ANTXR1: variants seen among roughly 807,000 people sequenced by gnomAD.
ANTXR1 encodes the protein ANTXR cell adhesion molecule 1, also known as anthrax toxin receptor 1.
A neutral mutation model predicts 78.1 loss-of-function variants in ANTXR1; 19 were observed. The observed-to-expected ratio is 0.24, with a 90% CI of 0.17 to 0.36. ANTXR1 has a LOEUF of 0.36. Ranked by LOEUF, ANTXR1 falls within the 10% of genes least tolerant of loss-of-function variation. The pLI is 1.00. For missense variants in ANTXR1, 518 were observed against 718.6 expected, an observed-to-expected ratio of 0.72 and a Z score of 3.19; for synonymous variants, 273 against 260.5, an observed-to-expected ratio of 1.05 and a Z score of -0.46.
intron 1 of ANTXR1, among the ~76,000 whole-genome samples, chr2:69,025,968 A>G (rs1671331146): frequency 6.6e-6 from 1 of 152,242 alleles, no homozygotes; most frequent in Non-Finnish European, 1.5e-5. Context: ...CAACTTGCAC[A>G]CTTTGTTCCA....
chr2:69,105,624 T>G (rs1395867563), intron 10 of ANTXR1, among the ~76,000 whole-genome samples: 3 of 152,216 alleles, frequency 2.0e-5, no homozygotes, highest in East Asian at 1.9e-4. Context: ...TAGTTTCTAC[T>G]GATTCCTCCC....
intron 17 of ANTXR1, among the ~76,000 whole-genome samples, chr2:69,193,912 G>A (rs1453617554): frequency 2.0e-5 from 3 of 152,324 alleles, no homozygotes; most frequent in African/African-American, 7.2e-5. Flanking sequence ...GTGGGGCCCA[G>A]CTAGCCCAGG....
chr2:69,054,186 G>A (rs1368691101), intron 3 of ANTXR1, among the ~76,000 whole-genome samples: 2 of 151,924 alleles, frequency 1.3e-5, no homozygotes, highest in East Asian at 1.9e-4. Flanking sequence ...GGGGATTATC[G>A]AGGTGGAGAA....
intron 17 of ANTXR1, among the ~76,000 whole-genome samples, chr2:69,234,152 T>C (rs999183538): frequency 2.0e-5 from 3 of 152,188 alleles, no homozygotes; most frequent in Non-Finnish European, 4.4e-5. Context: ...ATAATAAAGA[T>C]AGACTTATAA....
In ANTXR1 at chr2:69,181,794, T is replaced by A; in HGVS notation, c.1098T>A (p.Asp366Glu). ...PPPAEESEEEDDDGLPKKKWP... is the reference protein window; with the variant it reads ...PPPAEESEEEEDDGLPKKKWP... ...CCACAATTTCTCTGCAGGAAGAAGA[T>A]GATGATGGTCTGCCTAAGAAAAAGT... is the stretch of plus-strand genomic sequence containing the variant. Residue 366 changes from aspartate to glutamate, a missense_variant, in exon 15 of 18, where the codon GAT becomes GAA. Physicochemically the swap from Asp to Glu is conservative, Grantham distance 45. Around this residue, in one of 5 missense-constraint regions of ANTXR1, gnomAD observed 264 missense variants for 391.8 expected, o/e 0.67. Transcript: ENST00000303714. 1 of 1,614,080 alleles carries A rather than the reference T, an allele frequency of 6.2e-7. No homozygotes were observed. Among genetic ancestry groups the A allele is most frequent in the Non-Finnish European group, 8.5e-7 (1 of 1,179,966 alleles).
At chr2:69,230,332 A>G (rs565606593) in intron 17 of ANTXR1, among the ~76,000 whole-genome samples, 5 of 151,918 alleles carry the variant, frequency 3.3e-5, no homozygotes, top group Admixed American at 6.6e-5. Context: ...TTTAGCTACA[A>G]TGGTTTATCG....
intron 17 of ANTXR1, among the ~76,000 whole-genome samples, chr2:69,242,011 T>C (rs1045285294): frequency 3.3e-5 from 5 of 152,072 alleles, no homozygotes; most frequent in Non-Finnish European, 5.9e-5. Context: ...GGCTGCTCGA[T>C]GAGAGCTCTG....
chr2:69,193,887 A>G (rs745951956), intron 17 of ANTXR1, among the ~76,000 whole-genome samples: 4 of 152,174 alleles, frequency 2.6e-5, no homozygotes, highest in Non-Finnish European at 4.4e-5. Context: ...AACACCTACC[A>G]TCTTCCCAGC....
chr2:69,235,272 C>T (rs1675727912), intron 17 of ANTXR1, among the ~76,000 whole-genome samples: 1 of 152,100 alleles, frequency 6.6e-6, no homozygotes, highest in African/African-American at 2.4e-5. Context: ...ATCTGCCCAT[C>T]TTGGCCTCCC....
chr2:69,239,873 A>G (rs1399754656), intron 17 of ANTXR1, among the ~76,000 whole-genome samples: 4 of 152,370 alleles, frequency 2.6e-5, no homozygotes, highest in Non-Finnish European at 4.4e-5. Flanking sequence ...CCATTTCATC[A>G]TAACCATTTC....
chr2:69,185,797 A>G (rs1674403216), intron 16 of ANTXR1, among the ~76,000 whole-genome samples: 1 of 152,192 alleles, frequency 6.6e-6, no homozygotes, highest in Non-Finnish European at 1.5e-5. Flanking sequence ...TGAGTGTCTT[A>G]GGAGTCAACT....
At chr2:69,172,895 T>C (rs890751967) in intron 14 of ANTXR1, among the ~76,000 whole-genome samples, 3 of 152,184 alleles carry the variant, frequency 2.0e-5, no homozygotes, top group African/African-American at 7.2e-5. Flanking sequence ...GGGTTAAGAA[T>C]CTTCTCAAGT....
chr2:69,185,768 T>C (rs1054288204), intron 16 of ANTXR1, among the ~76,000 whole-genome samples: 7 of 152,148 alleles, frequency 4.6e-5, no homozygotes, highest in South Asian at 2.1e-4. Context: ...GCTGAATTAA[T>C]GTTAAGTGGT....
In ANTXR1 at chr2:69,236,424, C is replaced by G. The variant is rs145742736; in HGVS notation, c.1435-8801C>G. The stretch of plus-strand genomic sequence containing the variant: ...ATCTCACAAATAATAAGACAGTGAA[C>G]AGGGAAACAATAATACAATTCCTTC... On this transcript the variant is annotated intron_variant, in intron 17 of 17. Coordinates refer to ENST00000303714, the MANE Select transcript of ANTXR1 (RefSeq NM_032208.3). 2.4e-3 allele frequency among the ~76,000 whole-genome samples: 367 copies of G among 152,136 alleles called. 1 individual carries two copies. The highest frequency in any genetic ancestry group is 0.017 in the Middle Eastern group (5 of 292).
intron 12 of ANTXR1, among the ~76,000 whole-genome samples, chr2:69,151,194 T>C (rs1006271570): frequency 7.0e-6 from 1 of 142,766 alleles, no homozygotes. Flanking sequence ...TTCTTTTTTT[T>C]TTTTTTTTTT....
At chr2:69,230,297 T>C (rs1193122271) in intron 17 of ANTXR1, among the ~76,000 whole-genome samples, 4 of 152,012 alleles carry the variant, frequency 2.6e-5, no homozygotes, top group Non-Finnish European at 5.9e-5. Context: ...TATTTCCTTA[T>C]GTCATCTAGT....
At chr2:69,190,929 T>C (rs1414569198) in intron 16 of ANTXR1, among the ~76,000 whole-genome samples, 3 of 152,212 alleles carry the variant, frequency 2.0e-5, no homozygotes, top group African/African-American at 4.8e-5. Flanking sequence ...AGTTGGGTGA[T>C]TAGCACACAC....
At chr2:69,207,799 G>C (rs1674944717) in intron 17 of ANTXR1, among the ~76,000 whole-genome samples, 1 of 152,256 alleles carries the variant, frequency 6.6e-6, no homozygotes. Context: ...CATCCAAGAA[G>C]AATAAAGATA....
intron 11 of ANTXR1, 96 bp downstream of exon 11, chr2:69,123,182 C>G: frequency 7.7e-7 from 1 of 1,298,712 alleles, no homozygotes; most frequent in Non-Finnish European, 1.1e-6. Flanking sequence ...GAAAGTGGAG[C>G]CTTTCTCTAG....
Sources: gnomAD v4.1 joint callset for allele counts (sites outside exome capture counted in the v4.1 genomes callset) on GRCh38, gnomAD v4.1.1 for gene constraint, gnomAD v4.1.1 regional missense constraint, MANE v1.5 for transcripts, NCBI Gene and HGNC (gene_info 2026-07-23, HGNC 2026-07-21) for gene names.